CSMD1: variants seen among roughly 807,000 people sequenced by gnomAD.
CSMD1 encodes CUB and sushi domain-containing protein 1.
A neutral mutation model predicts 417.5 loss-of-function variants in CSMD1; 213 were observed. The ratio of observed to expected loss-of-function variants is 0.51; its 90% CI spans 0.46 to 0.57. CSMD1 has a LOEUF of 0.57. CSMD1 is among the 20% of genes least tolerant of loss of function. The pLI is 0.00. For missense variants in CSMD1, 6,923 were observed against 4,529.7 expected, an observed-to-expected ratio of 1.53 and a Z score of -15.17; for synonymous variants, 2,862 against 1,736.8, an observed-to-expected ratio of 1.65 and a Z score of -16.11.
intron 50 of CSMD1, among the ~76,000 whole-genome samples, chr8:3,044,782 A>T (rs988949602): frequency 6.6e-6 from 1 of 152,206 alleles, no homozygotes; most frequent in African/African-American, 2.4e-5. Flanking sequence ...ATTTGCATTT[A>T]CTATTTATCA....
intron 3 of CSMD1, among the ~76,000 whole-genome samples, chr8:4,144,419 G>C (rs1803985347): frequency 1.3e-5 from 2 of 151,132 alleles, no homozygotes; most frequent in Admixed American, 6.6e-5. Flanking sequence ...GGAAAAATCT[G>C]AAGTGAAGAA....
chr8:3,502,311 G>A (rs545517221), intron 10 of CSMD1, among the ~76,000 whole-genome samples: 1 of 148,692 alleles, frequency 6.7e-6, no homozygotes, highest in Non-Finnish European at 1.5e-5. Context: ...CTTGCAGTGA[G>A]CTGAGATCGC....
intron 3 of CSMD1, among the ~76,000 whole-genome samples, chr8:4,056,141 G>A (rs965715627): frequency 2.2e-5 from 3 of 135,956 alleles, no homozygotes; most frequent in South Asian, 2.4e-4. Flanking sequence ...CAATACAGTG[G>A]CACCATCTTG....
At chr8:4,271,511 A>G (rs920523891) in intron 3 of CSMD1, among the ~76,000 whole-genome samples, 2 of 152,092 alleles carry the variant, frequency 1.3e-5, no homozygotes, top group East Asian at 1.9e-4. Flanking sequence ...CAAAATCAGG[A>G]GATCTAAAAT....
At chr8:4,276,590 A>G (rs186037115) in intron 3 of CSMD1, among the ~76,000 whole-genome samples, 2 of 152,304 alleles carry the variant, frequency 1.3e-5, no homozygotes, top group Admixed American at 6.5e-5. Flanking sequence ...TTTAAGTATA[A>G]TAAAAATAAA....
At chr8:4,439,026 C>A (rs1253016102) in intron 2 of CSMD1, among the ~76,000 whole-genome samples, 2 of 152,086 alleles carry the variant, frequency 1.3e-5, no homozygotes, top group Non-Finnish European at 2.9e-5. Context: ...GAATAATAAA[C>A]TATATTCTTT....
chr8:3,771,398 G>C (rs531053278), intron 5 of CSMD1, among the ~76,000 whole-genome samples: 6 of 152,278 alleles, frequency 3.9e-5, no homozygotes, highest in African/African-American at 1.4e-4. Flanking sequence ...TTACAAAGGA[G>C]AGATTTCATT....
chr8:4,456,699 G>A (rs911209438), intron 2 of CSMD1, among the ~76,000 whole-genome samples: 36 of 152,132 alleles, frequency 2.4e-4, no homozygotes, highest in Admixed American at 1.2e-3. Flanking sequence ...TCTGGTGGAA[G>A]AAACAGGCAT....
intron 2 of CSMD1, among the ~76,000 whole-genome samples, chr8:4,611,975 T>A (rs182837453): frequency 1.3e-5 from 2 of 152,172 alleles, no homozygotes; most frequent in African/African-American, 4.8e-5. Context: ...TGTGTTTTTT[T>A]CCTCCTAAGT....
intron 2 of CSMD1, among the ~76,000 whole-genome samples, chr8:4,607,059 T>A (rs945905112): frequency 6.6e-6 from 1 of 152,214 alleles, no homozygotes; most frequent in African/African-American, 2.4e-5. Context: ...TTCAACCATA[T>A]TATTTTTATT....
Position 3,544,200 on chromosome 8 carries a change from G to C in CSMD1, c.1344+30745C>G, listed in dbSNP as rs151115880. On this transcript the variant is annotated intron_variant, in intron 10 of 69. Coordinates refer to ENST00000635120, the MANE Select transcript of CSMD1 (RefSeq NM_033225.6). Reference sequence around the variant, plus strand: ...CTCTAGAGGTTCATGGTTAAGGGAAGAGATTGATAACGTTTACTAAACAGA... The same window carrying C: ...CTCTAGAGGTTCATGGTTAAGGGAACAGATTGATAACGTTTACTAAACAGA... Among the ~76,000 whole-genome samples, 416 of 152,190 alleles carry C rather than the reference G, an allele frequency of 2.7e-3. 2 individuals are homozygous for C. The highest frequency in any genetic ancestry group is 9.3e-3 in the African/African-American group (385 of 41,530).
chr8:3,586,449 G>C (rs976449940), intron 8 of CSMD1, among the ~76,000 whole-genome samples, 189 bp from the exon 9 acceptor site: 1 of 152,098 alleles, frequency 6.6e-6, no homozygotes. Flanking sequence ...AAAATCAAAA[G>C]ACTTGGGTTC....
chr8:3,528,147 T>A (rs573687706), intron 10 of CSMD1, among the ~76,000 whole-genome samples: 1 of 152,232 alleles, frequency 6.6e-6, no homozygotes, highest in Non-Finnish European at 1.5e-5. Context: ...GGAGCTGACA[T>A]AGAATTATTT....
At chr8:3,218,942 G>C (rs1019343001) in intron 29 of CSMD1, among the ~76,000 whole-genome samples, 4 of 151,946 alleles carry the variant, frequency 2.6e-5, no homozygotes, top group Non-Finnish European at 5.9e-5. Context: ...CAAATTATAA[G>C]GTGTTAAAAC....
At chr8:3,690,400 C>T (rs547453758) in intron 7 of CSMD1, among the ~76,000 whole-genome samples, 4 of 152,152 alleles carry the variant, frequency 2.6e-5, no homozygotes, top group East Asian at 1.9e-4. Context: ...AATTTGCCAG[C>T]CTTTGATAAA....
intron 5 of CSMD1, among the ~76,000 whole-genome samples, chr8:3,819,237 G>A (rs546351049): frequency 3.3e-5 from 5 of 152,098 alleles, no homozygotes; most frequent in Non-Finnish European, 7.3e-5. Context: ...GGGCTGTGTA[G>A]TCAAACACCT....
chr8:4,262,656 G>A (rs941773169), intron 3 of CSMD1, among the ~76,000 whole-genome samples: 2 of 152,192 alleles, frequency 1.3e-5, no homozygotes, highest in East Asian at 3.9e-4. Context: ...GGCTGAAAGA[G>A]TAAAACGTGC....
intron 5 of CSMD1, among the ~76,000 whole-genome samples, chr8:3,983,371 C>CTCCTGA: frequency 6.6e-6 from 1 of 151,992 alleles, no homozygotes; most frequent in Non-Finnish European, 1.5e-5. Flanking sequence ...ACCTCGTGAT[C>CTCCTGA]CCTCTTTCTT....
At chr8:4,248,478 C>A (rs554038678) in intron 3 of CSMD1, among the ~76,000 whole-genome samples, 1 of 152,112 alleles carries the variant, frequency 6.6e-6, no homozygotes, top group Non-Finnish European at 1.5e-5. Flanking sequence ...TCGTTACTTA[C>A]GAATACTTTT....
Sources: gnomAD v4.1 joint callset for allele counts (sites outside exome capture counted in the v4.1 genomes callset) on GRCh38, gnomAD v4.1.1 for gene constraint, MANE v1.5 for transcripts, NCBI Gene and HGNC (gene_info 2026-07-23, HGNC 2026-07-21) for gene names.